Variants in LRRC8C observed in about 807,000 individuals in gnomAD.
LRRC8C encodes the protein volume-regulated anion channel subunit LRRC8C.
LRRC8C carries 20 observed loss-of-function variants against 55.3 expected under a neutral mutation model. That is an observed-to-expected ratio of 0.36 (90% CI 0.25 to 0.53). LRRC8C has a LOEUF of 0.53. Among genes scored for constraint, LRRC8C ranks in the 20% least tolerant of loss-of-function variants. LRRC8C has a pLI of 0.92. For missense variants in LRRC8C, 659 were observed against 951.4 expected (o/e 0.69, Z 4.04); for synonymous variants, 376 against 360.7 (o/e 1.04, Z -0.48).
At chr1:89,673,062 T>C (rs1657464380) in intron 1 of LRRC8C, among the ~76,000 whole-genome samples, 1 of 152,186 alleles carries the variant, frequency 6.6e-6, no homozygotes, top group African/African-American at 2.4e-5. Context: ...CAAAGATCTC[T>C]CTTCTTTGAA....
At chr1:89,693,092 A>G (rs1255869789) in intron 2 of LRRC8C, among the ~76,000 whole-genome samples, 3 of 152,214 alleles carry the variant, frequency 2.0e-5, no homozygotes, top group Admixed American at 2.0e-4. Context: ...GGAGGGGAAA[A>G]AAGAATTATT....
chr1:89,685,872 A>G (rs558248877), intron 1 of LRRC8C, among the ~76,000 whole-genome samples: 1 of 152,290 alleles, frequency 6.6e-6, no homozygotes, highest in Non-Finnish European at 1.5e-5. Flanking sequence ...GAAACAAGGA[A>G]GAAAAATTGA....
chr1:89,697,850 A>G (rs1427331821), intron 2 of LRRC8C, among the ~76,000 whole-genome samples: 2 of 152,168 alleles, frequency 1.3e-5, no homozygotes, highest in African/African-American at 4.8e-5. Context: ...GGGAAAAAAA[A>G]CAATGTGGAT....
At chr1:89,624,337 G>C in the LRRC8C span, among the ~76,000 whole-genome samples, 2 of 152,150 alleles carry the variant, frequency 1.3e-5, no homozygotes, top group African/African-American at 4.8e-5. Flanking sequence ...AAAAACACTA[G>C]AGACCCATAG....
chr1:89,694,188 G>A (rs1357246125), intron 2 of LRRC8C, among the ~76,000 whole-genome samples: 1 of 151,872 alleles, frequency 6.6e-6, no homozygotes, highest in African/African-American at 2.4e-5. Context: ...TGGTTTATTT[G>A]AACTGACACT....
rs1382348801 is a variant in LRRC8C, at chr1:89,663,366, C to T, written c.-4-23104C>T. 2.6e-5 allele frequency among the ~76,000 whole-genome samples: 4 copies of T among 151,932 alleles called. No individual in the cohort carries two copies. In the South Asian group the frequency reaches 6.3e-4, roughly 24 times the overall value. On this transcript the variant is annotated intron_variant, in intron 1 of 2. Coordinates refer to ENST00000370454, the MANE Select transcript of LRRC8C (RefSeq NM_032270.5). ...CGGGCGGATCATGAGGTCAGGAGAT[C>T]GAGACCATCCTGGCTAACACAGTGA...
intron 1 of LRRC8C, among the ~76,000 whole-genome samples, chr1:89,661,727 T>C (rs1657129037): frequency 6.6e-6 from 1 of 152,148 alleles, no homozygotes; most frequent in African/African-American, 2.4e-5. Context: ...CATAATTAGC[T>C]AAAATATATA....
intron 1 of LRRC8C, among the ~76,000 whole-genome samples, chr1:89,672,592 A>T (rs1197422415): frequency 3.9e-5 from 6 of 152,134 alleles, no homozygotes; most frequent in African/African-American, 1.4e-4. Flanking sequence ...TCCATTGATA[A>T]TCTATTCAGC....
At chr1:89,628,615 A>AG (rs1376930025), upstream of LRRC8C, among the ~76,000 whole-genome samples, 1 of 152,194 alleles carries the variant, frequency 6.6e-6, no homozygotes, top group Non-Finnish European at 1.5e-5. Flanking sequence ...ATTGGACAAA[A>AG]GGGGTATGAT....
intron 1 of LRRC8C, among the ~76,000 whole-genome samples, chr1:89,663,010 C>T (rs1657160433): frequency 6.6e-6 from 1 of 152,108 alleles, no homozygotes; most frequent in Non-Finnish European, 1.5e-5. Flanking sequence ...GTGTGATGTT[C>T]CCCTCCCTGT....
intron 1 of LRRC8C, among the ~76,000 whole-genome samples, chr1:89,649,757 A>G (rs1656707480): frequency 6.6e-6 from 1 of 152,096 alleles, no homozygotes; most frequent in African/African-American, 2.4e-5. Context: ...TGTAGATTCT[A>G]TCTGTTTTGG....
chr1:89,668,908 T>G (rs940256901), intron 1 of LRRC8C, among the ~76,000 whole-genome samples: 7 of 152,228 alleles, frequency 4.6e-5, no homozygotes, highest in Non-Finnish European at 1.0e-4. Context: ...TTTTTTTGTT[T>G]CTTCTGTTTT....
At chr1:89,680,977 A>T (rs2101265534) in intron 1 of LRRC8C, among the ~76,000 whole-genome samples, 1 of 152,354 alleles carries the variant, frequency 6.6e-6, no homozygotes, top group South Asian at 2.1e-4. Flanking sequence ...TGATTTAATT[A>T]AAAATATTAC....
At chr1:89,673,684 C>T (rs954914455) in intron 1 of LRRC8C, among the ~76,000 whole-genome samples, 1 of 152,164 alleles carries the variant, frequency 6.6e-6, no homozygotes, top group Non-Finnish European at 1.5e-5. Flanking sequence ...ATATATTGAG[C>T]ACCTACTATA....
intron 1 of LRRC8C, 54 bp from the exon 2 acceptor site, chr1:89,686,416 C>T: frequency 1.3e-6 from 2 of 1,586,970 alleles, no homozygotes; most frequent in Non-Finnish European, 8.6e-7. Context: ...GGTAACAATG[C>T]AGTATGTTGT....
chr1:89,683,775 AAAAAGGATACTCGTCCCTTTTCC>A (rs1358684229), intron 1 of LRRC8C, among the ~76,000 whole-genome samples: 38 of 152,236 alleles, frequency 2.5e-4, no homozygotes, highest in African/African-American at 8.7e-4. Context: ...ACAATGATAT[AAAAAGGATACTCGTCCCTTTTCC>A]AACCACATGT....
the LRRC8C span, among the ~76,000 whole-genome samples, chr1:89,618,149 T>G: frequency 6.6e-6 from 1 of 152,200 alleles, no homozygotes; most frequent in Non-Finnish European, 1.5e-5. Context: ...GCCCAAAGTT[T>G]GAGCACGCTA....
intron 1 of LRRC8C, among the ~76,000 whole-genome samples, chr1:89,657,079 T>C (rs1170087951): frequency 6.6e-6 from 1 of 152,192 alleles, no homozygotes; most frequent in African/African-American, 2.4e-5. Context: ...TTATACAAAA[T>C]GGTGAGTAGA....
the LRRC8C span, among the ~76,000 whole-genome samples, chr1:89,617,688 C>T: frequency 6.6e-6 from 1 of 152,142 alleles, no homozygotes; most frequent in South Asian, 2.1e-4. Flanking sequence ...TGAGACTGCC[C>T]TCACTTAGGA....
Sources: gnomAD v4.1 joint callset for allele counts (sites outside exome capture counted in the v4.1 genomes callset) on GRCh38, gnomAD v4.1.1 for gene constraint, MANE v1.5 for transcripts, NCBI Gene and HGNC (gene_info 2026-07-23, HGNC 2026-07-21) for gene names.